RPS6KC1: variants seen among roughly 807,000 people sequenced by gnomAD.
RPS6KC1 encodes inactive ribosomal protein S6 kinase delta-1.
In RPS6KC1, 54 loss-of-function variants were observed where a neutral mutation model predicts 103.8. The ratio of observed to expected loss-of-function variants is 0.52; its 90% CI spans 0.42 to 0.65. The LOEUF (loss-of-function observed/expected upper bound fraction) is 0.65. Ranked by LOEUF, RPS6KC1 falls within the 30% of genes least tolerant of loss-of-function variation. The pLI, the probability that RPS6KC1 is intolerant of heterozygous loss-of-function variation, is 0.00. For synonymous variants in RPS6KC1, 439 were observed against 438.7 expected (o/e 1.00, Z -0.01); for missense variants, 1,151 against 1,253.8 (o/e 0.92, Z 1.24).
the RPS6KC1 span, among the ~76,000 whole-genome samples, chr1:213,537,289 A>G: frequency 1.3e-5 from 2 of 152,132 alleles, no homozygotes. Flanking sequence ...GGAGTCTGCC[A>G]TACAGGGCCA....
the RPS6KC1 span, among the ~76,000 whole-genome samples, chr1:213,330,761 G>A: frequency 7.9e-5 from 12 of 152,190 alleles, no homozygotes; most frequent in South Asian, 2.1e-4. Flanking sequence ...TTTGCTCTCC[G>A]CGATCACTTC....
chr1:213,307,881 C>G, the RPS6KC1 span, among the ~76,000 whole-genome samples: 3 of 152,210 alleles, frequency 2.0e-5, no homozygotes, highest in Non-Finnish European at 1.5e-5. Context: ...TTGGCTCCCC[C>G]AGTCTCCCGC....
At chr1:213,789,082 G>C in the RPS6KC1 span, among the ~76,000 whole-genome samples, 1 of 152,146 alleles carries the variant, frequency 6.6e-6, no homozygotes, top group Non-Finnish European at 1.5e-5. Flanking sequence ...GTGAGAAGGA[G>C]CCATGAGAAG....
chr1:213,688,561 G>T, the RPS6KC1 span, among the ~76,000 whole-genome samples: 1 of 152,128 alleles, frequency 6.6e-6, no homozygotes, highest in Non-Finnish European at 1.5e-5. Flanking sequence ...CTAGAAAATT[G>T]GCAAGTTGCT....
At chr1:213,631,096 AG>A in the RPS6KC1 span, among the ~76,000 whole-genome samples, 1 of 152,170 alleles carries the variant, frequency 6.6e-6, no homozygotes, top group African/African-American at 2.4e-5. Context: ...CCGATTTTCC[AG>A]GTGCCATCTG....
intron 6 of RPS6KC1, among the ~76,000 whole-genome samples, chr1:213,163,435 A>C (rs897302785): frequency 6.6e-6 from 1 of 152,224 alleles, no homozygotes; most frequent in African/African-American, 2.4e-5. Flanking sequence ...AATCAAATAG[A>C]GTCAAAATAC....
the RPS6KC1 span, among the ~76,000 whole-genome samples, chr1:213,356,920 T>G: frequency 6.6e-6 from 1 of 152,188 alleles, no homozygotes; most frequent in Non-Finnish European, 1.5e-5. Context: ...CATTCTTGAT[T>G]CTTGGACCTG....
At chr1:213,053,281 T>A (rs1355696008) in intron 1 of RPS6KC1, among the ~76,000 whole-genome samples, 1 of 152,248 alleles carries the variant, frequency 6.6e-6, no homozygotes, top group Non-Finnish European at 1.5e-5. Context: ...TTGTATTAAT[T>A]TAGTTGCATG....
intron 12 of RPS6KC1, among the ~76,000 whole-genome samples, chr1:213,260,584 C>T (rs1195546494): frequency 1.3e-5 from 2 of 151,680 alleles, no homozygotes; most frequent in African/African-American, 4.8e-5. Context: ...AAGTTCCAAC[C>T]TAACTACTTA....
chr1:213,408,477 CTAAAG>C, the RPS6KC1 span, among the ~76,000 whole-genome samples: 1 of 152,184 alleles, frequency 6.6e-6, no homozygotes, highest in Admixed American at 6.5e-5. Flanking sequence ...TGATTAGCAC[CTAAAG>C]TAAAGGGGGT....
chr1:213,795,470 A>G, the RPS6KC1 span, among the ~76,000 whole-genome samples: 6 of 152,180 alleles, frequency 3.9e-5, no homozygotes, highest in Admixed American at 2.6e-4. Flanking sequence ...TGCTTTCTCT[A>G]TAGTATGTGC....
downstream of RPS6KC1, among the ~76,000 whole-genome samples, chr1:213,279,010 C>T (rs959034163): frequency 3.3e-5 from 5 of 151,752 alleles, no homozygotes; most frequent in East Asian, 3.9e-4. Flanking sequence ...TTGGCTGGTT[C>T]GTAGATAACG....
At chr1:213,379,193 T>G in the RPS6KC1 span, among the ~76,000 whole-genome samples, 1 of 151,984 alleles carries the variant, frequency 6.6e-6, no homozygotes, top group East Asian at 1.9e-4. Flanking sequence ...TCAATTGTTA[T>G]AGATTGAATT....
At chr1:213,294,849 CCTT>C in the RPS6KC1 span, among the ~76,000 whole-genome samples, 4 of 152,148 alleles carry the variant, frequency 2.6e-5, no homozygotes, top group African/African-American at 7.2e-5. Flanking sequence ...CGCTTCTTCT[CCTT>C]CTTTTCAAAA....
At chr1:213,375,136 T>C in the RPS6KC1 span, among the ~76,000 whole-genome samples, 15 of 151,584 alleles carry the variant, frequency 9.9e-5, no homozygotes, top group African/African-American at 3.6e-4. Flanking sequence ...TACACATATA[T>C]ACACACATAT....
chr1:213,301,577 T>C, the RPS6KC1 span, among the ~76,000 whole-genome samples: 1 of 152,116 alleles, frequency 6.6e-6, no homozygotes, highest in South Asian at 2.1e-4. Flanking sequence ...TGCATGCCTG[T>C]AGTCCCAGCT....
At chr1:213,757,710 C>G in the RPS6KC1 span, among the ~76,000 whole-genome samples, 146 of 152,284 alleles carry the variant, frequency 9.6e-4, no homozygotes, top group African/African-American at 3.1e-3. Context: ...GACAAACTCG[C>G]CTTCTATTGG....
chr1:213,119,461 T>TGAG (rs1186081927), intron 5 of RPS6KC1, among the ~76,000 whole-genome samples: 5 of 8,278 alleles, frequency 6.0e-4, no homozygotes, highest in African/African-American at 1.3e-3. Context: ...TATATATATA[T>TGAG]ATATATATAT....
chr1:213,240,032 AT>A (rs1170549342), intron 10 of RPS6KC1, among the ~76,000 whole-genome samples: 3 of 152,176 alleles, frequency 2.0e-5, no homozygotes, highest in Non-Finnish European at 2.9e-5. Flanking sequence ...TTTTAAAGAT[AT>A]ATGTCAGAAT....
Sources: gnomAD v4.1 joint callset for allele counts (sites outside exome capture counted in the v4.1 genomes callset) on GRCh38, gnomAD v4.1.1 for gene constraint, MANE v1.5 for transcripts, NCBI Gene and HGNC (gene_info 2026-07-23, HGNC 2026-07-21) for gene names.